RAPGEF1: variants seen among roughly 807,000 people sequenced by gnomAD.
RAPGEF1 encodes the protein Rap guanine nucleotide exchange factor 1.
RAPGEF1 carries 33 observed loss-of-function variants against 143.3 expected under a neutral mutation model. That is an observed-to-expected ratio of 0.23 (90% CI 0.17 to 0.31). The LOEUF is 0.31. RAPGEF1 is among the 10% of genes least tolerant of loss of function. RAPGEF1 has a pLI of 1.00. For synonymous variants in RAPGEF1, 629 were observed against 676.5 expected (o/e 0.93, Z 1.09); for missense variants, 1,199 against 1,645.4 (o/e 0.73, Z 4.69).
At chr9:131,715,417 G>A (rs1835791440) in intron 1 of RAPGEF1, among the ~76,000 whole-genome samples, 3 of 152,108 alleles carry the variant, frequency 2.0e-5, no homozygotes, top group Admixed American at 6.5e-5. Context: ...GTGCCCAGGG[G>A]AAGGCCGGGG....
At position 131,621,474 on chromosome 9, in the gene RAPGEF1, G is replaced by A. The variant is rs1588514174; in HGVS notation, c.1905+322C>T. ...GGAGGTCTATGTTGAAGCCAAAGAA[G>A]AAAGAAAAAAATACAAGAGACTGTC... On this transcript the variant is annotated intron_variant, in intron 11 of 26. Transcript: ENST00000683357. This position sits in a 1 kb window ranked among gnomAD's most constrained non-coding sequence, Gnocchi z 4.5. Among the ~76,000 whole-genome samples the A allele has an allele frequency of 6.6e-6, 1 of 152,046 alleles. No homozygotes were observed. The highest frequency in any genetic ancestry group is 1.9e-4 in the East Asian group (1 of 5,182).
chr9:131,587,394 C>CA (rs1405931034), intron 22 of RAPGEF1, among the ~76,000 whole-genome samples: 1 of 152,266 alleles, frequency 6.6e-6, no homozygotes. Flanking sequence ...TTCTGTCAGG[C>CA]AGAGTCAGTG....
intron 1 of RAPGEF1, among the ~76,000 whole-genome samples, chr9:131,712,224 C>A (rs775843917): frequency 1.1e-4 from 17 of 152,160 alleles, no homozygotes; most frequent in Non-Finnish European, 1.9e-4. Flanking sequence ...CACAGGGAAC[C>A]CCCACCACGC....
chr9:131,697,468 C>G (rs1244593801), intron 1 of RAPGEF1, among the ~76,000 whole-genome samples: 1 of 152,224 alleles, frequency 6.6e-6, no homozygotes, highest in African/African-American at 2.4e-5. Flanking sequence ...CTGGGGCCAA[C>G]AAGGTTTTGA....
intron 15 of RAPGEF1, among the ~76,000 whole-genome samples, chr9:131,599,923 G>A (rs529769747): frequency 2.6e-4 from 40 of 152,250 alleles, no homozygotes; most frequent in African/African-American, 8.7e-4. Flanking sequence ...TTCGAGACCA[G>A]CCTGGCCAAC....
intron 17 of RAPGEF1, among the ~76,000 whole-genome samples, chr9:131,595,331 A>G (rs561845352): frequency 1.3e-5 from 2 of 152,196 alleles, no homozygotes; most frequent in Admixed American, 1.3e-4. Context: ...CTTTTTCTCT[A>G]ATTTTCTGCA....
chr9:131,710,255 T>C (rs1221368376), intron 1 of RAPGEF1, among the ~76,000 whole-genome samples: 1 of 152,062 alleles, frequency 6.6e-6, no homozygotes, highest in African/African-American at 2.4e-5. Flanking sequence ...ATGCTGTGTT[T>C]CCAAGGGAAA....
At chr9:131,720,175 C>T (rs370926556) in intron 1 of RAPGEF1, among the ~76,000 whole-genome samples, 7 of 152,172 alleles carry the variant, frequency 4.6e-5, no homozygotes, top group Non-Finnish European at 1.0e-4. Context: ...CGTGAGCCAC[C>T]GTGCCCAGCC....
intron 1 of RAPGEF1, among the ~76,000 whole-genome samples, chr9:131,708,042 G>A (rs1472631451): frequency 6.6e-6 from 1 of 152,154 alleles, no homozygotes; most frequent in Non-Finnish European, 1.5e-5. Context: ...CCTTTCCAAA[G>A]TAACATGTTA....
intron 1 of RAPGEF1, among the ~76,000 whole-genome samples, chr9:131,733,860 C>T (rs1298319044): frequency 6.6e-6 from 1 of 152,216 alleles, no homozygotes; most frequent in African/African-American, 2.4e-5. Context: ...CATGACTCAT[C>T]TCTACAGACC....
In RAPGEF1 at chr9:131,739,980, G is replaced by A. The variant is rs1473661534; in HGVS notation, c.-150C>T. 7.9e-6 allele frequency: 2 copies of A among 253,800 alleles called. No homozygotes were observed. Among genetic ancestry groups the A allele is most frequent in the African/African-American group, 2.4e-5 (1 of 42,476 alleles). The allele number at this position is 253,800 out of a possible 1,614,324, so 15.7% of individuals were successfully genotyped here. A position where few individuals can be genotyped will look rare whatever the true frequency, so the allele number is the denominator to read the frequency against. ...TCGGCGACCGCGCTCCAGCCCGCCC[G>A]GGCCCAGCCGCTCCCGCCGCGCCCG... On this transcript the variant is annotated 5_prime_UTR_variant, in exon 1 of 27. Transcript: ENST00000683357.
At chr9:131,598,464 T>C in intron 15 of RAPGEF1, 154 bp from the exon 16 acceptor site, 1 of 711,532 alleles carries the variant, frequency 1.4e-6, no homozygotes, top group Non-Finnish European at 2.5e-6. Context: ...GATCCTCAGC[T>C]CTGCTACTGA....
At chr9:131,622,771 C>CTT (rs35243547) in intron 10 of RAPGEF1, among the ~76,000 whole-genome samples, 5,794 of 145,620 alleles carry the variant, frequency 0.04, 240 homozygotes, top group East Asian at 0.095. Flanking sequence ...CTCACACTTC[C>CTT]TTTTTTTTTT....
chr9:131,615,569 A>G lies in RAPGEF1; in HGVS notation c.2061+3482T>C, dbSNP rs1384825790. Reference sequence around the variant, plus strand: ...AAACAGTCGAGTCCAGGCCCGGCAGAGCCTGCGGATGGGGAGGACTGGCTT... The same window carrying G: ...AAACAGTCGAGTCCAGGCCCGGCAGGGCCTGCGGATGGGGAGGACTGGCTT... On this transcript the variant is annotated intron_variant, in intron 12 of 26. Transcript: ENST00000683357. Among the ~76,000 whole-genome samples the G allele has an allele frequency of 2.6e-5, 4 of 152,302 alleles. No individual in the cohort carries two copies. In the East Asian group the frequency reaches 5.8e-4, roughly 22 times the overall value.
At chr9:131,620,790 CGGAGTAA>C (rs1465304340) in intron 11 of RAPGEF1, among the ~76,000 whole-genome samples, 1 of 152,204 alleles carries the variant, frequency 6.6e-6, no homozygotes, top group Non-Finnish European at 1.5e-5. Context: ...ATTGATTATA[CGGAGTAA>C]TCCAGGGACA....
chr9:131,594,106 T>C (rs547734309), intron 17 of RAPGEF1, among the ~76,000 whole-genome samples: 2 of 152,194 alleles, frequency 1.3e-5, no homozygotes, highest in South Asian at 4.1e-4. Flanking sequence ...GGCGCCCATG[T>C]CTGCCCAATT....
At chr9:131,722,589 A>G (rs575122306) in intron 1 of RAPGEF1, among the ~76,000 whole-genome samples, 2 of 152,234 alleles carry the variant, frequency 1.3e-5, no homozygotes, top group Non-Finnish European at 2.9e-5. Flanking sequence ...AGGGACTTCC[A>G]TCGGCCCCTG....
chr9:131,595,656 G>C (rs951487491), intron 17 of RAPGEF1, among the ~76,000 whole-genome samples: 1 of 150,522 alleles, frequency 6.6e-6, no homozygotes, highest in Non-Finnish European at 1.5e-5. Context: ...GCCCCATCAG[G>C]TCACTAGCAC....
Position 131,587,987 on chromosome 9 carries a change from C to A in RAPGEF1, c.3093G>T (p.Ala1031=). The A allele has an allele frequency of 6.2e-7, 1 of 1,613,230 alleles. No homozygotes were observed. Among genetic ancestry groups the A allele is most frequent in the Non-Finnish European group, 8.5e-7 (1 of 1,179,672 alleles). ...CAGCATCCAGCAGCGTTAGCTGCTC[C>A]GCTATCTCATGGCTGTGAAAGTCGT... ...TLHDFHSHEI[A]EQLTLLDAEL... The change falls in exon 21 of 27, where the codon GCG becomes GCT. Residue 1031 remains alanine, a synonymous_variant. Transcript: ENST00000683357.
Sources: gnomAD v4.1 joint callset for allele counts (sites outside exome capture counted in the v4.1 genomes callset) on GRCh38, gnomAD v4.1.1 for gene constraint, Gnocchi (gnomAD v3.1) non-coding constraint, MANE v1.5 for transcripts, NCBI Gene and HGNC (gene_info 2026-07-23, HGNC 2026-07-21) for gene names.